The following ZDHHC14 variants were observed in gnomAD, a reference collection of about 807,000 sequenced individuals.
The protein encoded by ZDHHC14 is palmitoyltransferase ZDHHC14.
ZDHHC14 carries 16 observed loss-of-function variants against 47.7 expected under a neutral mutation model. The observed-to-expected ratio is 0.34, with a 90% CI of 0.23 to 0.51. The LOEUF (loss-of-function observed/expected upper bound fraction) is 0.51, where lower values mean the gene tolerates loss of function less well. ZDHHC14 is among the 20% of genes least tolerant of loss of function. The probability of loss-of-function intolerance (pLI) is 0.97; values close to 1 mark genes in which losing one functional copy is unlikely to be tolerated. For synonymous variants in ZDHHC14, 293 were observed against 278.9 expected (o/e 1.05, Z -0.50); for missense variants, 515 against 662.5 (o/e 0.78, Z 2.44).
At chr6:157,429,467 T>G (rs1269415567) in intron 1 of ZDHHC14, among the ~76,000 whole-genome samples, 2 of 151,960 alleles carry the variant, frequency 1.3e-5, no homozygotes, top group African/African-American at 4.8e-5. Flanking sequence ...ATGAGTTCCT[T>G]GGGTGGGTAT....
intron 1 of ZDHHC14, among the ~76,000 whole-genome samples, chr6:157,456,144 A>G (rs1778908446): frequency 6.6e-6 from 1 of 152,110 alleles, no homozygotes; most frequent in Non-Finnish European, 1.5e-5. Context: ...TGCGGGAGGG[A>G]AGCTCTTCCT....
chr6:157,595,788 G>T lies in ZDHHC14; in HGVS notation c.565+2642G>T, dbSNP rs187833730. On this transcript the variant is annotated intron_variant, in intron 3 of 8. Transcript: ENST00000359775. ...CAGCCGTGAACCTAGGAGCCACCAG[G>T]CTATAATAGGCCAGGAGCCAGGCCT... Among the ~76,000 whole-genome samples, 268 of 152,232 alleles carry T rather than the reference G, an allele frequency of 1.8e-3. 1 individual carries two copies. Among genetic ancestry groups the T allele is most frequent in the African/African-American group, 5.9e-3 (244 of 41,528 alleles).
intron 1 of ZDHHC14, among the ~76,000 whole-genome samples, chr6:157,540,190 T>A (rs887157784): frequency 1.3e-5 from 2 of 152,186 alleles, no homozygotes; most frequent in African/African-American, 4.8e-5. Context: ...CAGTGTATTA[T>A]CCCTGCAGTG....
At chr6:157,387,449 T>G (rs1330339320) in intron 1 of ZDHHC14, among the ~76,000 whole-genome samples, 1 of 152,196 alleles carries the variant, frequency 6.6e-6, no homozygotes, top group Non-Finnish European at 1.5e-5. Flanking sequence ...CAGAACTGCA[T>G]CAACCTCTCC....
chr6:157,607,870 A>T (rs1350195053), intron 3 of ZDHHC14, among the ~76,000 whole-genome samples: 4 of 152,254 alleles, frequency 2.6e-5, no homozygotes, highest in Non-Finnish European at 5.9e-5. Flanking sequence ...CAAGCTCCGC[A>T]TGGGCTTTCT....
chr6:157,644,523 C>A (rs1777425597), intron 5 of ZDHHC14, among the ~76,000 whole-genome samples: 1 of 152,202 alleles, frequency 6.6e-6, no homozygotes, highest in Non-Finnish European at 1.5e-5. Context: ...AGTCAACAGG[C>A]AGAAGCCCAT....
At chr6:157,548,609 G>A (rs910579127) in intron 2 of ZDHHC14, among the ~76,000 whole-genome samples, 4 of 152,120 alleles carry the variant, frequency 2.6e-5, no homozygotes, top group African/African-American at 9.7e-5. Context: ...ACTATTCCCG[G>A]CTAATTTTGT....
intron 1 of ZDHHC14, among the ~76,000 whole-genome samples, chr6:157,487,015 CAT>C (rs1043194987): frequency 2.6e-5 from 4 of 152,222 alleles, no homozygotes; most frequent in African/African-American, 9.7e-5. Context: ...GATGCTGAAA[CAT>C]AGAAAGATTC....
At chr6:157,473,765 G>T (rs1262166506) in intron 1 of ZDHHC14, among the ~76,000 whole-genome samples, 1 of 152,112 alleles carries the variant, frequency 6.6e-6, no homozygotes, top group African/African-American at 2.4e-5. Flanking sequence ...TTTCCTTTGT[G>T]CACAAAATTG....
chr6:157,600,161 C>A (rs1784284708), intron 3 of ZDHHC14, among the ~76,000 whole-genome samples: 1 of 152,114 alleles, frequency 6.6e-6, no homozygotes, highest in Non-Finnish European at 1.5e-5. Context: ...ATAGTATAAC[C>A]CTAACACCAA....
Position 157,531,116 on chromosome 6 carries a change from C to T in ZDHHC14, c.246-11469C>T, listed in dbSNP as rs574978533. On this transcript the variant is annotated intron_variant, in intron 1 of 8. Coordinates refer to ENST00000359775, the MANE Select transcript of ZDHHC14 (RefSeq NM_024630.3). ...GGTGTTCATTGCTTCACCTGCATGA[C>T]GACCTTTGCACCCATCGCTTTGCAG... 7.9e-5 allele frequency among the ~76,000 whole-genome samples: 12 copies of T among 152,260 alleles called. No individual in the cohort carries two copies. In the East Asian group the frequency reaches 2.3e-3, roughly 29 times the overall value.
chr6:157,663,670 C>T (rs980411768), intron 8 of ZDHHC14, among the ~76,000 whole-genome samples: 2 of 152,192 alleles, frequency 1.3e-5, no homozygotes, highest in Admixed American at 1.3e-4. Context: ...ACCGTGCTCA[C>T]AGGACTGTGG....
intron 1 of ZDHHC14, among the ~76,000 whole-genome samples, chr6:157,426,615 C>T (rs1778226467): frequency 6.6e-6 from 1 of 152,076 alleles, no homozygotes; most frequent in African/African-American, 2.4e-5. Context: ...TGGGGAAGCC[C>T]TGGCTGTGGG....
At chr6:157,645,386 C>G (rs1214741826) in intron 5 of ZDHHC14, among the ~76,000 whole-genome samples, 1 of 152,146 alleles carries the variant, frequency 6.6e-6, no homozygotes, top group East Asian at 1.9e-4. Flanking sequence ...AGTGTGCTTC[C>G]TGATCAGGAT....
chr6:157,643,893 T>C (rs989910038), intron 5 of ZDHHC14, among the ~76,000 whole-genome samples: 1 of 151,888 alleles, frequency 6.6e-6, no homozygotes, highest in Non-Finnish European at 1.5e-5. Flanking sequence ...ACCTGGGTCG[T>C]AAACTCTTGG....
intron 1 of ZDHHC14, among the ~76,000 whole-genome samples, chr6:157,475,544 T>A (rs374235850): frequency 6.6e-6 from 1 of 152,164 alleles, no homozygotes; most frequent in African/African-American, 2.4e-5. Flanking sequence ...TTCATCAGTG[T>A]TTTATAGTTT....
intron 3 of ZDHHC14, among the ~76,000 whole-genome samples, chr6:157,622,089 C>T (rs1289219106): frequency 7.9e-5 from 12 of 151,874 alleles, no homozygotes; most frequent in African/African-American, 1.5e-4. Context: ...ATATTCTTTT[C>T]GGCTGGGCAT....
chr6:157,667,092 G>A (rs1002820606), intron 8 of ZDHHC14, among the ~76,000 whole-genome samples: 3 of 152,096 alleles, frequency 2.0e-5, no homozygotes, highest in African/African-American at 4.8e-5. Flanking sequence ...CTTAAAAATT[G>A]GTAATGTCAT....
intron 3 of ZDHHC14, among the ~76,000 whole-genome samples, chr6:157,595,466 C>G (rs966806658): frequency 6.6e-6 from 1 of 152,106 alleles, no homozygotes; most frequent in Non-Finnish European, 1.5e-5. Context: ...GCTGGGATTA[C>G]AGATGTGAGC....
Sources: allele counts gnomAD v4.1 joint callset (sites outside exome capture counted in the v4.1 genomes callset), GRCh38; gene constraint gnomAD v4.1.1; transcripts MANE v1.5; gene names NCBI Gene and HGNC (gene_info 2026-07-23, HGNC 2026-07-21).